The following CACNA2D3 variants were observed in gnomAD, a reference collection of about 807,000 sequenced individuals.
CACNA2D3 encodes calcium voltage-gated channel auxiliary subunit alpha2delta 3, also known as voltage-dependent calcium channel subunit alpha-2/delta-3.
A neutral mutation model predicts 160.6 loss-of-function variants in CACNA2D3; 60 were observed. The ratio of observed to expected loss-of-function variants is 0.37; its 90% CI spans 0.30 to 0.46. The LOEUF is 0.46. Ranked by LOEUF, CACNA2D3 falls within the 20% of genes least tolerant of loss-of-function variation. CACNA2D3 has a pLI of 1.00. For synonymous variants in CACNA2D3, 558 were observed against 492.9 expected (o/e 1.13, Z -1.75); for missense variants, 1,205 against 1,365.0 (o/e 0.88, Z 1.85).
chr3:54,349,729 G>A (rs542920000), intron 3 of CACNA2D3, among the ~76,000 whole-genome samples: 1 of 152,080 alleles, frequency 6.6e-6, no homozygotes, highest in Non-Finnish European at 1.5e-5. Context: ...TCCCATGATA[G>A]CAGGCCCATC....
At chr3:54,913,078 C>CTGTTT (rs761698151) in intron 27 of CACNA2D3, among the ~76,000 whole-genome samples, 1 of 152,046 alleles carries the variant, frequency 6.6e-6, no homozygotes, top group Non-Finnish European at 1.5e-5. Context: ...CACCTCTGCT[C>CTGTTT]TGTTTTGTTT....
At chr3:54,671,900 G>C (rs1032318639) in intron 11 of CACNA2D3, among the ~76,000 whole-genome samples, 1 of 152,228 alleles carries the variant, frequency 6.6e-6, no homozygotes, top group Non-Finnish European at 1.5e-5. Flanking sequence ...CCTGCATAAT[G>C]AGAAAGTCAG....
At chr3:54,199,449 T>C (rs11917871) in intron 2 of CACNA2D3, among the ~76,000 whole-genome samples, 102,408 of 151,968 alleles carry the variant, frequency 0.67, 35,641 homozygotes, top group African/African-American at 0.85. Context: ...CTGCAACCCC[T>C]ACGTGCCAGG....
intron 17 of CACNA2D3, 73 bp from the exon 18 acceptor site, chr3:54,871,466 A>T: frequency 9.1e-7 from 1 of 1,097,294 alleles, no homozygotes; most frequent in East Asian, 2.4e-5. Flanking sequence ...GGACTTGGGA[A>T]GGTAAAGATT....
At position 54,197,996 on chromosome 3, in the gene CACNA2D3, G is replaced by T. The variant is rs547790567; in HGVS notation, c.204+74402G>T. On this transcript the variant is annotated intron_variant, in intron 2 of 37. Transcript: ENST00000474759. Reference sequence around the variant, plus strand: ...TGATTAGGAAGGTGATGTTGTATGTGTCTTTGGACGTGATGAAAGTAAAAA... The same window carrying T: ...TGATTAGGAAGGTGATGTTGTATGTTTCTTTGGACGTGATGAAAGTAAAAA... Among the ~76,000 whole-genome samples, 13 of 152,332 alleles carry T rather than the reference G, an allele frequency of 8.5e-5. No homozygotes were observed. The South Asian group carries it at 2.5e-3, about 29-fold the overall frequency.
chr3:54,931,292 C>A (rs892664659), intron 27 of CACNA2D3, among the ~76,000 whole-genome samples: 5 of 152,146 alleles, frequency 3.3e-5, no homozygotes, highest in African/African-American at 7.2e-5. Context: ...CTCATGCTGA[C>A]CCCAATTGGG....
intron 2 of CACNA2D3, among the ~76,000 whole-genome samples, chr3:54,169,685 A>G (rs911659965): frequency 4.6e-5 from 6 of 129,642 alleles, no homozygotes; most frequent in African/African-American, 1.5e-4. Context: ...ATGTGTGTGT[A>G]TGTGTGTGCA....
intron 24 of CACNA2D3, among the ~76,000 whole-genome samples, chr3:54,888,378 G>A (rs2970534): frequency 0.78 from 118,848 of 152,102 alleles, 47,353 homozygotes; most frequent in African/African-American, 0.93. Flanking sequence ...TGCAGTCTTG[G>A]GGGAGCTTGG....
At chr3:54,184,523 A>G (rs559574063) in intron 2 of CACNA2D3, among the ~76,000 whole-genome samples, 44 of 152,318 alleles carry the variant, frequency 2.9e-4, no homozygotes, top group African/African-American at 9.9e-4. Flanking sequence ...GGAGAAAAGG[A>G]CATTTGTCTC....
At chr3:54,794,124 C>T (rs1246618202) in intron 13 of CACNA2D3, among the ~76,000 whole-genome samples, 4 of 152,058 alleles carry the variant, frequency 2.6e-5, no homozygotes, top group South Asian at 2.1e-4. Context: ...CACATATATA[C>T]ATGCATGTAT....
chr3:54,547,711 G>A (rs1011935698), intron 5 of CACNA2D3, among the ~76,000 whole-genome samples: 2 of 121,834 alleles, frequency 1.6e-5, no homozygotes, highest in African/African-American at 6.4e-5. Flanking sequence ...GAGAGACAGG[G>A]TCTTGCCTTT....
intron 2 of CACNA2D3, among the ~76,000 whole-genome samples, chr3:54,163,712 C>A (rs938248595): frequency 6.6e-6 from 1 of 152,068 alleles, no homozygotes; most frequent in South Asian, 2.1e-4. Flanking sequence ...TGCGGAAGAT[C>A]CCATGCAGAA....
rs371959614 is a variant in CACNA2D3 at position 54,753,430 on chromosome 3, C to T, written c.1246+753C>T. Among the ~76,000 whole-genome samples, 12 of 152,318 alleles carry T rather than the reference C, an allele frequency of 7.9e-5. 1 individual carries two copies. The highest frequency in any genetic ancestry group is 2.6e-4 in the African/African-American group (11 of 41,580). On this transcript the variant is annotated intron_variant, in intron 12 of 37. Transcript: ENST00000474759. ...GGTGGTGTTGGTACTCTCTTCTGCTCTTGTGAACTCTGAAGGTACATGGTC... is the reference window on the plus strand; with the variant it reads ...GGTGGTGTTGGTACTCTCTTCTGCTTTTGTGAACTCTGAAGGTACATGGTC...
intron 10 of CACNA2D3, among the ~76,000 whole-genome samples, chr3:54,635,068 T>C (rs1158723177): frequency 6.6e-6 from 1 of 151,788 alleles, no homozygotes; most frequent in Non-Finnish European, 1.5e-5. Context: ...TTAGGGGCGG[T>C]GTGGGAACCT....
chr3:54,259,318 A>G (rs11707360), intron 2 of CACNA2D3, among the ~76,000 whole-genome samples: 39,216 of 152,196 alleles, frequency 0.26, 5,642 homozygotes, highest in African/African-American at 0.38. Flanking sequence ...AAGGAAGTCA[A>G]GCAGAGCTGA....
At chr3:54,242,822 G>A (rs537414409) in intron 2 of CACNA2D3, among the ~76,000 whole-genome samples, 1 of 152,338 alleles carries the variant, frequency 6.6e-6, no homozygotes, top group African/African-American at 2.4e-5. Context: ...CCGTGGATAA[G>A]GGGGACTACT....
chr3:54,422,844 A>G (rs1188223821), intron 4 of CACNA2D3, among the ~76,000 whole-genome samples: 2 of 152,160 alleles, frequency 1.3e-5, no homozygotes, highest in African/African-American at 4.8e-5. Flanking sequence ...TAACTAACAC[A>G]TGTGCACCAG....
At chr3:54,290,050 T>A (rs961212600) in intron 2 of CACNA2D3, among the ~76,000 whole-genome samples, 11 of 151,162 alleles carry the variant, frequency 7.3e-5, no homozygotes, top group Admixed American at 7.2e-4. Context: ...AAGCCGAAAT[T>A]GACAAATGGG....
intron 13 of CACNA2D3, among the ~76,000 whole-genome samples, chr3:54,799,283 C>G (rs1234421352): frequency 6.6e-6 from 1 of 152,140 alleles, no homozygotes; most frequent in Non-Finnish European, 1.5e-5. Context: ...AGCATAGTGC[C>G]TCTTGCTTTC....
Sources: allele counts gnomAD v4.1 joint callset (sites outside exome capture counted in the v4.1 genomes callset), GRCh38; gene constraint gnomAD v4.1.1; transcripts MANE v1.5; gene names NCBI Gene and HGNC (gene_info 2026-07-23, HGNC 2026-07-21).